Variants in CEP112 observed in about 807,000 individuals in gnomAD.
The protein encoded by CEP112 is centrosomal protein 112, also known as centrosomal protein of 112 kDa.
CEP112 carries 127 observed loss-of-function variants against 153.0 expected under a neutral mutation model. That is an observed-to-expected ratio of 0.83 (90% CI 0.72 to 0.96). The LOEUF is 0.96. CEP112 is among the 40% of genes least tolerant of loss of function. The pLI, the probability that CEP112 is intolerant of heterozygous loss-of-function variation, is 0.00. For synonymous variants in CEP112, 358 were observed against 374.4 expected, an observed-to-expected ratio of 0.96 and a Z score of 0.51; for missense variants, 1,089 against 1,101.2, an observed-to-expected ratio of 0.99 and a Z score of 0.16.
chr17:65,862,816 T>C (rs2058352673), intron 20 of CEP112, among the ~76,000 whole-genome samples: 1 of 152,184 alleles, frequency 6.6e-6, no homozygotes, highest in Non-Finnish European at 1.5e-5. Flanking sequence ...TTATTTTTAA[T>C]ACATTGTAAG....
chr17:66,149,150 A>G (rs1322577698), intron 4 of CEP112, among the ~76,000 whole-genome samples: 1 of 152,192 alleles, frequency 6.6e-6, no homozygotes, highest in East Asian at 1.9e-4. Flanking sequence ...ACTGATTTTC[A>G]TATTTGGAAC....
chr17:65,715,335 G>A (rs551180588), intron 23 of CEP112, among the ~76,000 whole-genome samples: 1 of 152,238 alleles, frequency 6.6e-6, no homozygotes, highest in African/African-American at 2.4e-5. Flanking sequence ...AGGAGTGAGT[G>A]AGTTTGCTAA....
chr17:65,844,797 C>T (rs1035130910), intron 21 of CEP112, among the ~76,000 whole-genome samples: 1 of 151,208 alleles, frequency 6.6e-6, no homozygotes, highest in Non-Finnish European at 1.5e-5. Context: ...GGGCGGATCA[C>T]GAGGTCAGGA....
chr17:65,813,776 A>C (rs1358894286), intron 21 of CEP112, among the ~76,000 whole-genome samples: 1 of 152,162 alleles, frequency 6.6e-6, no homozygotes, highest in African/African-American at 2.4e-5. Context: ...TTATTGTTTA[A>C]TTTACACCAA....
chr17:65,831,109 G>T (rs1268653757), intron 21 of CEP112, among the ~76,000 whole-genome samples: 2 of 152,206 alleles, frequency 1.3e-5, no homozygotes, highest in Non-Finnish European at 2.9e-5. Context: ...TAGAGAAAGT[G>T]GATGTCTCCT....
intron 18 of CEP112, among the ~76,000 whole-genome samples, chr17:65,928,221 A>G (rs955750814): frequency 3.9e-5 from 6 of 152,352 alleles, no homozygotes; most frequent in African/African-American, 1.4e-4. Flanking sequence ...TAAAACAAGA[A>G]TGACATATCA....
intron 24 of CEP112, among the ~76,000 whole-genome samples, chr17:65,662,279 G>A (rs1423777008): frequency 6.6e-6 from 1 of 152,136 alleles, no homozygotes; most frequent in Non-Finnish European, 1.5e-5. Flanking sequence ...AAAAAGATAA[G>A]TACACTGTTA....
At chr17:65,648,880 A>G (rs111564284) in intron 24 of CEP112, among the ~76,000 whole-genome samples, 21,734 of 152,068 alleles carry the variant, frequency 0.14, 1,964 homozygotes, top group East Asian at 0.49. Flanking sequence ...GCGAAACCCC[A>G]TCTCCACTAA....
chr17:66,026,267 T>C (rs1426824876), intron 16 of CEP112, among the ~76,000 whole-genome samples: 1 of 152,188 alleles, frequency 6.6e-6, no homozygotes, highest in Non-Finnish European at 1.5e-5. Context: ...TTGTACCCGT[T>C]ACATTCACAC....
chr17:65,825,691 A>C (rs1351698580), intron 21 of CEP112, among the ~76,000 whole-genome samples: 1 of 152,194 alleles, frequency 6.6e-6, no homozygotes, highest in East Asian at 1.9e-4. Context: ...ATCATAACTT[A>C]AAATTAATTA....
chr17:66,132,923 A>G (rs1418742473), intron 4 of CEP112, among the ~76,000 whole-genome samples, 160 bp from the exon 5 acceptor site: 1 of 152,112 alleles, frequency 6.6e-6, no homozygotes, highest in Non-Finnish European at 1.5e-5. Flanking sequence ...CTGTAATCCC[A>G]GCTACTTGGG....
At chr17:65,919,737 A>C (rs914474609) in intron 19 of CEP112, among the ~76,000 whole-genome samples, 8 of 152,182 alleles carry the variant, frequency 5.3e-5, no homozygotes, top group African/African-American at 1.9e-4. Flanking sequence ...AACACACCGC[A>C]ACCCACTCAC....
chr17:65,862,395 T>C (rs547395017), intron 20 of CEP112, among the ~76,000 whole-genome samples: 22 of 152,312 alleles, frequency 1.4e-4, no homozygotes, highest in Admixed American at 8.5e-4. Context: ...AAGACCATCC[T>C]GGCTAACACG....
intron 12 of CEP112, among the ~76,000 whole-genome samples, chr17:66,050,628 A>AC (rs1377871533): frequency 6.6e-6 from 1 of 152,058 alleles, no homozygotes; most frequent in East Asian, 1.9e-4. Flanking sequence ...GTATAAAAAA[A>AC]CCCCTTGTAC....
At chr17:65,911,292 A>C (rs931145480) in intron 19 of CEP112, among the ~76,000 whole-genome samples, 2 of 152,212 alleles carry the variant, frequency 1.3e-5, no homozygotes, top group African/African-American at 4.8e-5. Context: ...TATGGAACAA[A>C]ATATAAATGT....
intron 8 of CEP112, among the ~76,000 whole-genome samples, chr17:66,073,998 C>T (rs947678794): frequency 2.0e-5 from 3 of 151,826 alleles, no homozygotes; most frequent in African/African-American, 7.3e-5. Flanking sequence ...TTAATAAGGC[C>T]CAAGATGACT....
intron 12 of CEP112, among the ~76,000 whole-genome samples, chr17:66,046,997 C>A (rs148223871): frequency 3.2e-4 from 48 of 152,344 alleles, no homozygotes; most frequent in African/African-American, 1.2e-3. Flanking sequence ...CAATAAATTT[C>A]TGTTGCTTTA....
chr17:65,880,097 G>A (rs959706644), intron 20 of CEP112, among the ~76,000 whole-genome samples: 14 of 151,824 alleles, frequency 9.2e-5, no homozygotes, highest in Admixed American at 7.2e-4. Context: ...TATTGTAAAC[G>A]GTATTTTTTA....
intron 6 of CEP112, among the ~76,000 whole-genome samples, chr17:66,113,843 G>C (rs2069165147): frequency 6.6e-6 from 1 of 152,102 alleles, no homozygotes; most frequent in Non-Finnish European, 1.5e-5. Context: ...GTCTATTTGG[G>C]GGAAATAAGC....
Sources: gnomAD v4.1 joint callset for allele counts (sites outside exome capture counted in the v4.1 genomes callset) on GRCh38, gnomAD v4.1.1 for gene constraint, MANE v1.5 for transcripts, NCBI Gene and HGNC (gene_info 2026-07-23, HGNC 2026-07-21) for gene names.